ERC1: variants seen among roughly 807,000 people sequenced by gnomAD.
ERC1 encodes the protein RAB6 interacting protein 2.
ERC1 carries 56 observed loss-of-function variants against 132.0 expected under a neutral mutation model. That is an observed-to-expected ratio of 0.42 (90% CI 0.34 to 0.53). The LOEUF (loss-of-function observed/expected upper bound fraction) is 0.53. Among genes scored for constraint, ERC1 ranks in the 20% least tolerant of loss-of-function variants. ERC1 has a pLI of 0.03. For missense variants in ERC1, 1,202 were observed against 1,349.9 expected (o/e 0.89, Z 1.72); for synonymous variants, 478 against 476.1 (o/e 1.00, Z -0.05).
chr12:1,060,820 G>C (rs1423165351), intron 2 of ERC1, among the ~76,000 whole-genome samples: 3 of 151,812 alleles, frequency 2.0e-5, no homozygotes, highest in Admixed American at 2.0e-4. Context: ...CTGCCTCCTG[G>C]GTTCACGCCA....
At chr12:1,403,740 A>G (rs2091263253) in intron 16 of ERC1, among the ~76,000 whole-genome samples, 1 of 152,076 alleles carries the variant, frequency 6.6e-6, no homozygotes, top group Admixed American at 6.6e-5. Context: ...TTGAAAATGG[A>G]TTTGTGTGTA....
chr12:1,005,619 G>C (rs1349878451), intron 1 of ERC1, among the ~76,000 whole-genome samples: 2 of 152,118 alleles, frequency 1.3e-5, no homozygotes, highest in African/African-American at 4.8e-5. Context: ...CCAAGTTTCT[G>C]AATCCATTCT....
chr12:1,165,500 G>A, intron 8 of ERC1, among the ~76,000 whole-genome samples: 1 of 151,966 alleles, frequency 6.6e-6, no homozygotes, highest in Admixed American at 6.6e-5. Flanking sequence ...TAGAGACGGG[G>A]TTTCACCGTG....
chr12:1,130,700 C>G (rs1948679136), intron 7 of ERC1, among the ~76,000 whole-genome samples: 1 of 146,382 alleles, frequency 6.8e-6, no homozygotes. Flanking sequence ...GATATCTGAG[C>G]TTTTCATCTT....
At chr12:1,194,554 C>T (rs1370314243) in intron 12 of ERC1, among the ~76,000 whole-genome samples, 4 of 152,180 alleles carry the variant, frequency 2.6e-5, no homozygotes, top group African/African-American at 4.8e-5. Flanking sequence ...CATGTTATAG[C>T]ACCACCCTGG....
intron 15 of ERC1, among the ~76,000 whole-genome samples, chr12:1,312,111 A>G (rs148413842): frequency 1.5e-3 from 232 of 151,976 alleles, no homozygotes; most frequent in African/African-American, 4.8e-3. Flanking sequence ...TACTATTTCT[A>G]TTTTTTCATC....
intron 15 of ERC1, among the ~76,000 whole-genome samples, chr12:1,354,867 A>G (rs2085372910): frequency 6.6e-6 from 1 of 152,028 alleles, no homozygotes; most frequent in Non-Finnish European, 1.5e-5. Context: ...GTCTGGAACT[A>G]CTGACCTCAG....
rs1219755752 is a variant in ERC1 at position 1,225,450 on chromosome 12, ACACAC to A, written c.2352-11318_2352-11314del. ...GGACAACAAAATGAGGCTGTCTCTT[ACACAC>A]ACACACACACACACACACACACACA... On this transcript the variant is annotated intron_variant, in intron 12 of 18. Transcript: ENST00000360905. Among the ~76,000 whole-genome samples, 218 of 50,818 alleles carry A rather than the reference ACACAC, an allele frequency of 4.3e-3. 2 individuals are homozygous for A. Among genetic ancestry groups the A allele is most frequent in the African/African-American group, 0.012 (190 of 16,128 alleles). The allele number at this position is 50,818 out of a possible 152,430, so 33.3% of individuals were successfully genotyped here. A position where few individuals can be genotyped will look rare whatever the true frequency, so the allele number is the denominator to read the frequency against.
chr12:1,103,804 C>T (rs1355422107), intron 3 of ERC1, among the ~76,000 whole-genome samples: 1 of 152,108 alleles, frequency 6.6e-6, no homozygotes, highest in Non-Finnish European at 1.5e-5. Flanking sequence ...TCCCAAAGTG[C>T]TGGGATTACA....
intron 1 of ERC1, among the ~76,000 whole-genome samples, chr12:1,009,330 A>T (rs928384230): frequency 6.6e-6 from 1 of 152,024 alleles, no homozygotes; most frequent in African/African-American, 2.4e-5. Context: ...GCCCGCCACC[A>T]CGCCCGGCTA....
intron 16 of ERC1, among the ~76,000 whole-genome samples, chr12:1,377,760 A>C (rs2088121921): frequency 6.6e-6 from 1 of 152,186 alleles, no homozygotes; most frequent in Non-Finnish European, 1.5e-5. Context: ...CTAATTATGA[A>C]GTTGCGGTTG....
chr12:1,336,697 C>A (rs140929548), intron 15 of ERC1, among the ~76,000 whole-genome samples: 36 of 152,106 alleles, frequency 2.4e-4, no homozygotes, highest in Non-Finnish European at 4.9e-4. Flanking sequence ...ATGTGCCATG[C>A]GAAGGTGAGA....
intron 15 of ERC1, among the ~76,000 whole-genome samples, chr12:1,303,964 A>AAAAAAG (rs1555352921): frequency 0.21 from 30,782 of 148,168 alleles, 3,802 homozygotes; most frequent in Non-Finnish European, 0.27. Flanking sequence ...AGAAAAAAAA[A>AAAAAAG]AAAAAAGAAT....
intron 17 of ERC1, among the ~76,000 whole-genome samples, chr12:1,429,266 C>T (rs1363714302): frequency 6.6e-6 from 1 of 152,186 alleles, no homozygotes; most frequent in Non-Finnish European, 1.5e-5. Context: ...TAAGATTTTG[C>T]TGTTGGTATT....
At chr12:1,106,595 A>G (rs2154200453) in intron 4 of ERC1, among the ~76,000 whole-genome samples, 1 of 152,072 alleles carries the variant, frequency 6.6e-6, no homozygotes, top group South Asian at 2.1e-4. Context: ...GAATTAGTGG[A>G]TTCTGGGTTC....
intron 16 of ERC1, among the ~76,000 whole-genome samples, chr12:1,404,792 C>G (rs1216068504): frequency 6.6e-6 from 1 of 152,194 alleles, no homozygotes; most frequent in Non-Finnish European, 1.5e-5. Flanking sequence ...CTAATCATCT[C>G]CAAAAGGCCC....
chr12:1,263,081 A>C lies in ERC1; in HGVS notation c.2535A>C (p.Ala845=), dbSNP rs765315475. The change falls in exon 14 of 19, where the codon GCA becomes GCC. Residue 845 remains alanine (A), a synonymous_variant. Transcript: ENST00000360905. ...KDDRIEELEE[A]LRESVQITAE... ...ACAGGATTGAAGAGCTGGAAGAAGC[A>C]CTAAGAGAAAGTGTACAGATAACTG... The C allele has an allele frequency of 6.2e-7, 1 of 1,614,066 alleles. No individual in the cohort carries two copies. The highest frequency in any genetic ancestry group is 8.5e-7 in the Non-Finnish European group (1 of 1,179,936).
chr12:1,138,207 T>C (rs1949518456), intron 7 of ERC1, among the ~76,000 whole-genome samples: 2 of 113,352 alleles, frequency 1.8e-5, no homozygotes, highest in Admixed American at 9.7e-5. Context: ...ATATATGATA[T>C]ATATTATATA....
chr12:1,122,577 A>ATCTCTATCTCTATCTCTATCTGTG, intron 7 of ERC1, among the ~76,000 whole-genome samples: 2 of 10,006 alleles, frequency 2.0e-4, no homozygotes, highest in African/African-American at 3.4e-4. Flanking sequence ...CTGTGTCTCT[A>ATCTCTATCTCTATCTCTATCTGTG]TCTCTATCTC....
Sources: gnomAD v4.1 joint callset for allele counts (sites outside exome capture counted in the v4.1 genomes callset) on GRCh38, gnomAD v4.1.1 for gene constraint, MANE v1.5 for transcripts, NCBI Gene and HGNC (gene_info 2026-07-23, HGNC 2026-07-21) for gene names.